The following TECPR2 variants were observed in gnomAD, a reference collection of about 807,000 sequenced individuals.
TECPR2 encodes tectonin beta-propeller repeat containing 2, also known as tectonin beta-propeller repeat-containing protein 2.
In TECPR2, 65 loss-of-function variants were observed where a neutral mutation model predicts 138.1. The observed-to-expected ratio is 0.47, with a 90% CI of 0.39 to 0.58. The LOEUF is 0.58. TECPR2 is among the 20% of genes least tolerant of loss of function. The pLI is 0.00. For synonymous variants in TECPR2, 746 were observed against 749.8 expected (o/e 0.99, Z 0.08); for missense variants, 1,553 against 1,824.5 (o/e 0.85, Z 2.71).
chr14:102,426,183 G>T (rs1402621882), intron 6 of TECPR2, among the ~76,000 whole-genome samples: 1 of 151,996 alleles, frequency 6.6e-6, no homozygotes, highest in Admixed American at 6.5e-5. Flanking sequence ...GCCGCGCCCG[G>T]CCGCCACTTG....
rs1432112253 is a variant in TECPR2, at chr14:102,487,550, C to CT, written c.3790-9420dup. ...TTGTGTTTTCTTTTTCTTTTCTTTT[C>CT]TTTTTTTTTGAGATGGAGTCTCGCT... is the stretch of plus-strand genomic sequence containing the variant. On this transcript the variant is annotated intron_variant, in intron 17 of 19. Coordinates refer to ENST00000359520, the MANE Select transcript of TECPR2 (RefSeq NM_014844.5). 1.7e-3 allele frequency among the ~76,000 whole-genome samples: 263 copies of CT among 151,536 alleles called. 2 individuals carry two copies. The highest frequency in any genetic ancestry group is 5.6e-3 in the African/African-American group (233 of 41,320).
intron 2 of TECPR2, among the ~76,000 whole-genome samples, chr14:102,396,176 C>T (rs991521279): frequency 2.0e-5 from 3 of 150,838 alleles, no homozygotes; most frequent in Admixed American, 1.3e-4. Context: ...GATCTCAGCT[C>T]ATTGCAACCT....
At chr14:102,450,342 A>C (rs1032219816) in intron 14 of TECPR2, among the ~76,000 whole-genome samples, 1 of 152,104 alleles carries the variant, frequency 6.6e-6, no homozygotes, top group Non-Finnish European at 1.5e-5. Flanking sequence ...TCCCTGCTGC[A>C]TGGCCTCCAC....
chr14:102,485,455 T>C (rs60795363), intron 17 of TECPR2, among the ~76,000 whole-genome samples: 6,219 of 152,300 alleles, frequency 0.041, 350 homozygotes, highest in African/African-American at 0.13. Context: ...CTTCAAAACT[T>C]GCTTCTAGGA....
At chr14:102,490,593 C>T (rs1239594845) in intron 17 of TECPR2, among the ~76,000 whole-genome samples, 16 of 152,206 alleles carry the variant, frequency 1.1e-4, no homozygotes, top group Admixed American at 5.9e-4. Flanking sequence ...ATGATTGCCG[C>T]GACCACCCGG....
At chr14:102,465,071 CATAGATTAGATGAAAGA>C in intron 16 of TECPR2, 53 bp from the exon 17 acceptor site, 1 of 1,561,188 alleles carries the variant, frequency 6.4e-7, no homozygotes, top group Non-Finnish European at 8.7e-7. Flanking sequence ...AATCAAAGTT[CATAGATTAGATGAAAGA>C]ATAGTCATTG....
chr14:102,418,433 G>A (rs544838471), intron 5 of TECPR2, among the ~76,000 whole-genome samples: 1 of 152,328 alleles, frequency 6.6e-6, no homozygotes, highest in African/African-American at 2.4e-5. Flanking sequence ...AGGATGACAG[G>A]GAAGGCTCCT....
chr14:102,431,531 A>G (rs1456535152), intron 7 of TECPR2, among the ~76,000 whole-genome samples: 67 of 151,926 alleles, frequency 4.4e-4, no homozygotes, highest in Non-Finnish European at 1.3e-4. Flanking sequence ...TTTAGTAGAG[A>G]CGGGGTTTCA....
intron 16 of TECPR2, among the ~76,000 whole-genome samples, chr14:102,461,436 TG>T (rs1186162201): frequency 1.3e-5 from 2 of 152,244 alleles, no homozygotes; most frequent in Non-Finnish European, 2.9e-5. Flanking sequence ...TGCCACTTTT[TG>T]TTTTAAAATG....
intron 1 of TECPR2, among the ~76,000 whole-genome samples, chr14:102,375,729 A>G (rs1348857233): frequency 6.6e-6 from 1 of 152,196 alleles, no homozygotes; most frequent in African/African-American, 2.4e-5. Context: ...CAGAGCATCT[A>G]CCTGGACTGT....
intron 15 of TECPR2, 81 bp from the exon 16 acceptor site, chr14:102,452,313 G>A: frequency 7.0e-7 from 1 of 1,431,326 alleles, no homozygotes; most frequent in Non-Finnish European, 9.5e-7. Flanking sequence ...TCTGCTGAAA[G>A]GCAAAGGCTG....
rs191568483 is a variant in TECPR2, at chr14:102,396,372, G to A, written c.220-10966G>A. ...CCCACCTTGGCCTCCCAAAATGCTG[G>A]GATTACAGGCATAAGCCACTGCACC... On this transcript the variant is annotated intron_variant, in intron 2 of 19. Coordinates refer to ENST00000359520, the MANE Select transcript of TECPR2 (RefSeq NM_014844.5). 1.4e-4 allele frequency among the ~76,000 whole-genome samples: 22 copies of A among 152,158 alleles called. 1 individual carries two copies. The East Asian group carries it at 3.9e-3, about 27-fold the overall frequency.
rs200779664 is a variant in TECPR2 at position 102,456,223 on chromosome 14, TG to T, written c.3640+3600del. On this transcript the variant is annotated intron_variant, in intron 16 of 19. Transcript: ENST00000359520. ...TCTAGTCTTTGTTAGCTGCTGGTGG[TG>T]GGGCTTTTGCTTGTGTTGCCCCAGT... 2.8e-3 allele frequency among the ~76,000 whole-genome samples: 428 copies of T among 152,322 alleles called. 3 individuals carry two copies. Among genetic ancestry groups the T allele is most frequent in the African/African-American group, 9.4e-3 (391 of 41,574 alleles).
In TECPR2 at chr14:102,434,990, C is replaced by T; in HGVS notation, c.2173C>T (p.Leu725=). 1 of 1,614,118 alleles carries T rather than the reference C, an allele frequency of 6.2e-7. No homozygotes were observed. The highest frequency in any genetic ancestry group is 2.2e-5 in the East Asian group (1 of 44,886). Reference sequence around the variant, plus strand: ...TGTCTTGGGGAGTGTGGGAGGACAGCTGACTCCGGTCTCTGCCTTGGCAGC... The same window carrying T: ...TGTCTTGGGGAGTGTGGGAGGACAGTTGACTCCGGTCTCTGCCTTGGCAGC... ...ERVLGSVGGQ[L]TPVSALAAST... is the part of the protein sequence containing the mutation. Residue 725 remains leucine (L), a synonymous_variant, in exon 9 of 20, where the codon CTG becomes TTG. Transcript: ENST00000359520.
In TECPR2 at chr14:102,443,681, A is replaced by G; in HGVS notation, c.2787A>G (p.Val929=). ...TGGATCGCCCTTGTGCCAGAGCCGTAAAGGTGGACTGTCCCTACCCGCTGT... is the reference window on the plus strand; with the variant it reads ...TGGATCGCCCTTGTGCCAGAGCCGTGAAGGTGGACTGTCCCTACCCGCTGT... ...LSVDRPCARA[V]KVDCPYPLSQ... The change falls in exon 12 of 20, where the codon GTA becomes GTG. Residue 929 remains valine (V), a synonymous_variant. Coordinates refer to ENST00000359520, the MANE Select transcript of TECPR2 (RefSeq NM_014844.5). This position sits in a 1 kb window ranked among gnomAD's most constrained non-coding sequence, Gnocchi z 4.9. 6.2e-7 allele frequency: 1 copy of G among 1,606,248 alleles called. No homozygotes were observed.
chr14:102,441,264 T>G (rs1387951598), intron 11 of TECPR2, among the ~76,000 whole-genome samples: 1 of 151,640 alleles, frequency 6.6e-6, no homozygotes, highest in Non-Finnish European at 1.5e-5. Context: ...GAGATGGAGT[T>G]TCACTATGTC....
chr14:102,411,698 T>TGAA (rs1219515960), intron 4 of TECPR2, among the ~76,000 whole-genome samples: 2 of 9,668 alleles, frequency 2.1e-4, no homozygotes, highest in African/African-American at 9.2e-4. Context: ...GCCATGTTGC[T>TGAA]CAAAAAAAAA....
In TECPR2 at chr14:102,376,932, A is replaced by C; in HGVS notation, c.211A>C (p.Asn71His). Residue 71 changes from asparagine (N) to histidine (H), a missense_variant, in exon 2 of 20, where the codon AAC becomes CAC. Asn to His is a moderately conservative substitution (Grantham distance 68). Transcript: ENST00000359520. Reference protein sequence around the residue: ...CRHLNQMRKYNFEGKTESITV... With the variant: ...CRHLNQMRKYHFEGKTESITV... The stretch of plus-strand genomic sequence containing the variant: ...GCACCTCAACCAGATGAGGAAGTAC[A>C]ACTTTGAGGTGAGCCTTGCTTTGCT... 6.2e-7 allele frequency: 1 copy of C among 1,613,402 alleles called. No individual in the cohort carries two copies. Among genetic ancestry groups the C allele is most frequent in the Non-Finnish European group, 8.5e-7 (1 of 1,179,820 alleles).
intron 1 of TECPR2, among the ~76,000 whole-genome samples, chr14:102,373,948 G>A (rs960155354): frequency 6.6e-6 from 1 of 151,748 alleles, no homozygotes; most frequent in Non-Finnish European, 1.5e-5. Context: ...GGGCTTGGTG[G>A]CACACGCCTG....
Sources: allele counts gnomAD v4.1 joint callset (sites outside exome capture counted in the v4.1 genomes callset), GRCh38; gene constraint gnomAD v4.1.1; non-coding constraint Gnocchi (gnomAD v3.1); transcripts MANE v1.5; gene names NCBI Gene and HGNC (gene_info 2026-07-23, HGNC 2026-07-21).